MLX: variants seen among roughly 807,000 people sequenced by gnomAD.
MLX encodes the protein max-like protein X.
In MLX, 15 loss-of-function variants were observed where a neutral mutation model predicts 33.0. That is an observed-to-expected ratio of 0.45 (90% CI 0.30 to 0.70). The LOEUF is 0.70. Ranked by LOEUF, MLX falls within the 30% of genes least tolerant of loss-of-function variation. The pLI is 0.07. For missense variants in MLX, 285 were observed against 306.3 expected, an observed-to-expected ratio of 0.93 and a Z score of 0.52; for synonymous variants, 115 against 115.6, an observed-to-expected ratio of 0.99 and a Z score of 0.03.
Position 42,572,491 on chromosome 17 carries a change from G to C in MLX, c.*888G>C. The C allele has an allele frequency of 2.2e-6, 1 of 454,304 alleles. No homozygotes were observed. The highest frequency in any genetic ancestry group is 4.4e-6 in the Non-Finnish European group (1 of 226,740). The allele number at this position is 454,304 out of a possible 1,614,324, so 28.1% of individuals were successfully genotyped here. Reference sequence around the variant, plus strand: ...GGGGTGGGGTGAAAAGCGTACAAAAGATACTTAAAAGGGCTCCTGGGGTAC... The same window carrying C: ...GGGGTGGGGTGAAAAGCGTACAAAACATACTTAAAAGGGCTCCTGGGGTAC... On this transcript the variant is annotated 3_prime_UTR_variant, in exon 8 of 8. Coordinates refer to ENST00000435881, the MANE Select transcript of MLX (RefSeq NM_198204.2).
chr17:42,570,364 C>G lies in MLX; in HGVS notation c.678+181C>G, dbSNP rs909725927. Among the ~76,000 whole-genome samples, 3 of 152,284 alleles carry G rather than the reference C, an allele frequency of 2.0e-5. No individual in the cohort carries two copies. The South Asian group carries it at 6.2e-4, about 32-fold the overall frequency. The stretch of plus-strand genomic sequence containing the variant: ...CTGTCTAACCCACATCTTCATGTTA[C>G]GGTTTCATTCGGCAAGTGTGACGTG... On this transcript the variant is annotated intron_variant, in intron 7 of 7. Coordinates refer to ENST00000435881, the MANE Select transcript of MLX (RefSeq NM_198204.2).
intron 3 of MLX, 135 bp downstream of exon 3, chr17:42,568,694 C>A: frequency 9.3e-7 from 1 of 1,076,942 alleles, no homozygotes; most frequent in Non-Finnish European, 1.4e-6. Context: ...GTCTCACCAT[C>A]TTTCACCTCA....
At chr17:42,570,326 T>C (rs2093025616) in intron 7 of MLX, 143 bp downstream of exon 7, 1 of 739,826 alleles carries the variant, frequency 1.4e-6, no homozygotes, top group South Asian at 1.8e-5. Context: ...CCTGGTATTT[T>C]CCCTTTTCTT....
chr17:42,570,283 A>G, intron 7 of MLX, 100 bp downstream of exon 7: 1 of 1,190,730 alleles, frequency 8.4e-7, no homozygotes, highest in Non-Finnish European at 1.2e-6. Context: ...AGCTGCTTTT[A>G]GATCTTAAGG....
Position 42,572,174 on chromosome 17 carries a change from T to C in MLX, c.*571T>C. ...TGAGGCCAAGGGCTTTCTGGCCATC[T>C]CAGGGAGGGGCCACCAGGTTCCTCC... On this transcript the variant is annotated 3_prime_UTR_variant, in exon 8 of 8. Coordinates refer to ENST00000435881, the MANE Select transcript of MLX (RefSeq NM_198204.2). 1.1e-5 allele frequency: 4 copies of C among 349,414 alleles called. No homozygotes were observed. The highest frequency in any genetic ancestry group is 2.2e-5 in the Non-Finnish European group (4 of 179,446). The allele number at this position is 349,414 out of a possible 1,614,324, so 21.6% of individuals were successfully genotyped here.
chr17:42,569,615 G>A lies in MLX; in HGVS notation c.476+9G>A, dbSNP rs1262296133. On this transcript the variant is annotated intron_variant, in intron 6 of 7. Transcript: ENST00000435881. ...CTAAAGATCATGAAAGTGTAAGAGG[G>A]GTGCTGAATGGGGGGAACCAGAACT... is the stretch of plus-strand genomic sequence containing the variant. The A allele has an allele frequency of 1.2e-6, 2 of 1,607,750 alleles. No individual in the cohort carries two copies. The highest frequency in any genetic ancestry group is 1.7e-6 in the Non-Finnish European group (2 of 1,174,532).
Position 42,569,499 on chromosome 17 carries a change from C to G in MLX, c.377-8C>G. 6.2e-7 allele frequency: 1 copy of G among 1,611,646 alleles called. No homozygotes were observed. On this transcript the variant is annotated splice_polypyrimidine_tract_variant and splice_region_variant and intron_variant, in intron 5 of 7. Transcript: ENST00000435881. The stretch of plus-strand genomic sequence containing the variant: ...GTACCTGTCCTTTTTTTCTTGCCCC[C>G]ACCCTAGCCATTGACTACATTCAGT...
intron 3 of MLX, 103 bp downstream of exon 3, chr17:42,568,662 G>C (rs893931316): frequency 5.9e-5 from 72 of 1,218,088 alleles, no homozygotes; most frequent in Non-Finnish European, 8.3e-5. Flanking sequence ...AGGGGTGCTG[G>C]AGCCAAAGTA....
Position 42,567,697 on chromosome 17 carries a change from G to T in MLX, c.79+42G>T, listed in dbSNP as rs770270872. The T allele has an allele frequency of 1.9e-6, 3 of 1,613,414 alleles. No individual in the cohort carries two copies. In the Admixed American group the frequency reaches 5.0e-5, roughly 27 times the overall value. On this transcript the variant is annotated intron_variant, in intron 2 of 7. Transcript: ENST00000435881. ...TCTTAAGCTCTAGAGGGACACTCCC[G>T]CCCAGGCTCTCTAGATTCTTGTGGC... is the stretch of plus-strand genomic sequence containing the variant.
rs1162062759 is a variant in MLX at position 42,570,084 on chromosome 17, T to G, written c.579T>G (p.Asp193Glu). The G allele has an allele frequency of 6.2e-7, 1 of 1,614,178 alleles. No individual in the cohort carries two copies. Among genetic ancestry groups the G allele is most frequent in the Admixed American group, 1.7e-5 (1 of 60,024 alleles). ...TCAACGTGTTTCAAGGCATCATGGA[T>G]TCCCTGTTCCAGTCCTTCAATGCCT... ...VKFNVFQGIM[D>E]SLFQSFNASI... is the part of the protein sequence containing the mutation. The change falls in exon 7 of 8, where the codon GAT becomes GAG. Residue 193 changes from aspartate to glutamate, a missense_variant. Transcript: ENST00000435881.
intron 7 of MLX, among the ~76,000 whole-genome samples, chr17:42,571,138 C>CTTTTT (rs928314305): frequency 3.8e-5 from 5 of 130,462 alleles, no homozygotes; most frequent in South Asian, 2.4e-4. Flanking sequence ...TTCCTGGGGG[C>CTTTTT]TTTTTTTTTT....
In MLX at chr17:42,571,644, T is replaced by G. The variant is rs1000709121; in HGVS notation, c.*41T>G. 5.6e-6 allele frequency: 9 copies of G among 1,600,902 alleles called. No individual in the cohort carries two copies. In the Admixed American group the frequency reaches 1.0e-4, roughly 18 times the overall value. Reference sequence around the variant, plus strand: ...CTGGAGAACAGCCAACAAGAGGCCCTTGAATCTCTACGTGGCCACTGAACT... The same window carrying G: ...CTGGAGAACAGCCAACAAGAGGCCCGTGAATCTCTACGTGGCCACTGAACT... On this transcript the variant is annotated 3_prime_UTR_variant, in exon 8 of 8. Coordinates refer to ENST00000435881, the MANE Select transcript of MLX (RefSeq NM_198204.2).
chr17:42,567,441 C>T (rs2093012655), intron 1 of MLX, 178 bp from the exon 2 acceptor site: 2 of 1,376,180 alleles, frequency 1.5e-6, no homozygotes, highest in East Asian at 5.0e-5. Flanking sequence ...CTAGCCTGTG[C>T]CAGTCTCGGG....
rs1382884691 is a variant in MLX at position 42,572,229 on chromosome 17, T to C, written c.*626T>C. 2.6e-6 allele frequency: 1 copy of C among 381,292 alleles called. No homozygotes were observed. Among genetic ancestry groups the C allele is most frequent in the Non-Finnish European group, 5.2e-6 (1 of 193,322 alleles). 23.6% of individuals were successfully genotyped at this position (381,292 alleles called of 1,614,324 possible). A position where few individuals can be genotyped will look rare whatever the true frequency, so the allele number is the denominator to read the frequency against. ...ACCCCATATTCCATCACCTTCCTCC[T>C]CTGCTCTGGGTGGTAAGGGAAGCCC... On this transcript the variant is annotated 3_prime_UTR_variant, in exon 8 of 8. Coordinates refer to ENST00000435881, the MANE Select transcript of MLX (RefSeq NM_198204.2).
At position 42,568,950 on chromosome 17, in the gene MLX, A is replaced by G. The variant is rs2093020225; in HGVS notation, c.276+7A>G. ...GAGGAGGGACGCCATCAAGGTGAAC[A>G]GGGAGGCCTGTGCCTCAGCCAGTGC... On this transcript the variant is annotated splice_region_variant and intron_variant, in intron 4 of 7. Coordinates refer to ENST00000435881, the MANE Select transcript of MLX (RefSeq NM_198204.2). 3.1e-6 allele frequency: 5 copies of G among 1,603,550 alleles called. No homozygotes were observed. The highest frequency in any genetic ancestry group is 1.3e-5 in the African/African-American group (1 of 74,554).
intron 1 of MLX, 142 bp from the exon 2 acceptor site, chr17:42,567,477 C>G: frequency 6.9e-7 from 1 of 1,455,454 alleles, no homozygotes; most frequent in East Asian, 2.4e-5. Flanking sequence ...CCCGCGCACC[C>G]CGGGCTGTGT....
At chr17:42,569,846 G>T (rs2093023481) in intron 6 of MLX, 136 bp from the exon 7 acceptor site, 1 of 824,968 alleles carries the variant, frequency 1.2e-6, no homozygotes, top group African/African-American at 1.7e-5. Flanking sequence ...CCTGGAAGCA[G>T]TATCTCCCTG....
Position 42,569,237 on chromosome 17 carries a change from A to T in MLX, c.310A>T (p.Thr104Ser), listed in dbSNP as rs752074528. The T allele has an allele frequency of 6.2e-7, 1 of 1,614,068 alleles. No individual in the cohort carries two copies. Among genetic ancestry groups the T allele is most frequent in the Admixed American group, 1.7e-5 (1 of 60,020 alleles). ...TGATGACCTTCAGACCATCGTCCCCACTTGCCAGCAGCAGGACTTCTCCAT... is the reference window on the plus strand; with the variant it reads ...TGATGACCTTCAGACCATCGTCCCCTCTTGCCAGCAGCAGGACTTCTCCAT... ...GYDDLQTIVP[T>S]CQQQDFSIGS... Residue 104 changes from threonine to serine, a missense_variant, in exon 5 of 8, where the codon ACT becomes TCT. Transcript: ENST00000435881.
chr17:42,567,316 C>T, intron 1 of MLX, 150 bp downstream of exon 1: 2 of 1,390,044 alleles, frequency 1.4e-6, no homozygotes, highest in Non-Finnish European at 1.9e-6. Context: ...GCTCTCACCC[C>T]GCGTGTGCCA....
Sources: allele counts gnomAD v4.1 joint callset (sites outside exome capture counted in the v4.1 genomes callset), GRCh38; gene constraint gnomAD v4.1.1; transcripts MANE v1.5; gene names NCBI Gene and HGNC (gene_info 2026-07-23, HGNC 2026-07-21).